UBR1: variants seen among roughly 807,000 people sequenced by gnomAD.
The protein encoded by UBR1 is E3 ubiquitin-protein ligase UBR1.
A neutral mutation model predicts 242.1 loss-of-function variants in UBR1; 102 were observed. The ratio of observed to expected loss-of-function variants is 0.42; its 90% CI spans 0.36 to 0.50. The LOEUF is 0.50. Ranked by LOEUF, UBR1 falls within the 20% of genes least tolerant of loss-of-function variation. The probability of loss-of-function intolerance (pLI) is 0.01; values close to 1 mark genes in which losing one functional copy is unlikely to be tolerated. For missense variants in UBR1, 1,772 were observed against 2,101.8 expected (o/e 0.84, Z 3.07); for synonymous variants, 675 against 684.8 (o/e 0.99, Z 0.22).
At chr15:42,967,165 G>A (rs1404688636) in intron 40 of UBR1, among the ~76,000 whole-genome samples, 2 of 149,696 alleles carry the variant, frequency 1.3e-5, no homozygotes, top group Non-Finnish European at 3.0e-5. Context: ...TGATCCGCCC[G>A]CCTCAGCCTC....
chr15:42,950,136 G>T, intron 46 of UBR1, 126 bp downstream of exon 46: 1 of 904,894 alleles, frequency 1.1e-6, no homozygotes, highest in Non-Finnish European at 1.8e-6. Flanking sequence ...ACGGTGTCTG[G>T]CCTCAATTAC....
At chr15:42,992,542 C>T (rs914485518) in intron 33 of UBR1, among the ~76,000 whole-genome samples, 20 of 152,288 alleles carry the variant, frequency 1.3e-4, no homozygotes, top group African/African-American at 4.8e-4. Context: ...CACATGTACT[C>T]CTCGGGGGGT....
chr15:43,054,620 C>G, intron 12 of UBR1, 122 bp downstream of exon 12: 1 of 1,092,130 alleles, frequency 9.2e-7, no homozygotes, highest in Non-Finnish European at 1.4e-6. Flanking sequence ...GTTCTTTGTA[C>G]TTGCCATCAT....
intron 44 of UBR1, among the ~76,000 whole-genome samples, chr15:42,956,909 A>G (rs1192494039): frequency 6.6e-6 from 1 of 152,214 alleles, no homozygotes; most frequent in Non-Finnish European, 1.5e-5. Flanking sequence ...GCGCCCTCAC[A>G]CATTGCTGGT....
chr15:43,052,870 C>T (rs1401303869), intron 12 of UBR1, among the ~76,000 whole-genome samples: 1 of 152,174 alleles, frequency 6.6e-6, no homozygotes, highest in African/African-American at 2.4e-5. Flanking sequence ...GTGAAAGGAA[C>T]ATGAGTTTTA....
intron 29 of UBR1, among the ~76,000 whole-genome samples, chr15:43,010,818 CA>C (rs768275252): frequency 0.044 from 2,521 of 57,028 alleles, 26 homozygotes; most frequent in Admixed American, 0.11. Context: ...ACTAAAAATA[CA>C]AAAAAAAAAA....
At chr15:43,007,851 A>G (rs1473611741) in intron 29 of UBR1, among the ~76,000 whole-genome samples, 2 of 152,204 alleles carry the variant, frequency 1.3e-5, no homozygotes, top group African/African-American at 2.4e-5. Flanking sequence ...ATGTGCCATA[A>G]TAGTTTTTAT....
intron 6 of UBR1, among the ~76,000 whole-genome samples, chr15:43,060,942 A>G (rs892131351): frequency 2.8e-5 from 1 of 35,144 alleles, no homozygotes; most frequent in African/African-American, 3.9e-5. Context: ...GCCATTACAG[A>G]AAAAAAAAAA....
At chr15:42,950,453 G>C in intron 45 of UBR1, 90 bp from the exon 46 acceptor site, 1 of 1,046,998 alleles carries the variant, frequency 9.6e-7, no homozygotes, top group Non-Finnish European at 1.5e-6. Flanking sequence ...AAAAGACGTG[G>C]CCAATATCTG....
chr15:43,047,407 C>T, intron 13 of UBR1, 118 bp from the exon 14 acceptor site: 2 of 1,460,590 alleles, frequency 1.4e-6, no homozygotes, highest in Non-Finnish European at 1.9e-6. Context: ...TACACTGGGT[C>T]AGAATGCATG....
At chr15:43,060,286 T>G (rs2033667725) in intron 6 of UBR1, among the ~76,000 whole-genome samples, 172 bp from the exon 7 acceptor site, 1 of 152,168 alleles carries the variant, frequency 6.6e-6, no homozygotes, top group African/African-American at 2.4e-5. Flanking sequence ...TTTAACACCT[T>G]TATGAAGTAT....
rs541038453 is a variant in UBR1 at position 43,093,315 on chromosome 15, C to G, written c.82-7075G>C. ...AAACAACTGCTAGACATCTACAGAG[C>G]CTTCAGAGCCCAGTAATTGTTTTTC... On this transcript the variant is annotated intron_variant, in intron 1 of 46. Transcript: ENST00000290650. Among the ~76,000 whole-genome samples the G allele has an allele frequency of 3.0e-4, 46 of 152,280 alleles. No homozygotes were observed. The South Asian group carries it at 6.4e-3, about 21-fold the overall frequency.
chr15:43,005,538 C>T (rs890586998), intron 30 of UBR1, among the ~76,000 whole-genome samples: 27 of 152,196 alleles, frequency 1.8e-4, no homozygotes, highest in Non-Finnish European at 1.3e-4. Flanking sequence ...CCAGCCACCC[C>T]GTCTGGGAAG....
At position 43,099,461 on chromosome 15, in the gene UBR1, T is replaced by G. The variant is rs373587062; in HGVS notation, c.81+6481A>C. Among the ~76,000 whole-genome samples the G allele has an allele frequency of 2.0e-5, 3 of 152,300 alleles. No homozygotes were observed. The East Asian group carries it at 5.8e-4, about 29-fold the overall frequency. On this transcript the variant is annotated intron_variant, in intron 1 of 46. Transcript: ENST00000290650. ...TCCTCCCATTTCAGCAGGAGACAAC[T>G]TTGGGAAATAACAGAAATATTCTAT...
intron 41 of UBR1, among the ~76,000 whole-genome samples, chr15:42,965,719 G>A (rs934150444): frequency 1.3e-5 from 2 of 151,942 alleles, no homozygotes; most frequent in Admixed American, 1.3e-4. Flanking sequence ...CACCCGCCTC[G>A]GCCTCCCAAA....
chr15:43,044,720 G>A (rs1442791815), intron 14 of UBR1, among the ~76,000 whole-genome samples: 2 of 152,124 alleles, frequency 1.3e-5, no homozygotes, highest in South Asian at 2.1e-4. Flanking sequence ...GTGAAACCCC[G>A]TCTCTACTAA....
At chr15:43,030,107 A>T (rs770136855) in intron 20 of UBR1, 39 bp from the exon 21 acceptor site, 41 of 1,587,912 alleles carry the variant, frequency 2.6e-5, no homozygotes, top group Non-Finnish European at 3.4e-5. Flanking sequence ...AAGTAGAATA[A>T]TTATTTTCTA....
intron 29 of UBR1, among the ~76,000 whole-genome samples, chr15:43,014,056 A>AT (rs2032969467): frequency 6.6e-6 from 1 of 152,120 alleles, no homozygotes; most frequent in South Asian, 2.1e-4. Context: ...TGGTTTTCGT[A>AT]TTTTTTTGGT....
intron 10 of UBR1, among the ~76,000 whole-genome samples, chr15:43,056,877 C>A (rs1354932161): frequency 6.6e-6 from 1 of 152,148 alleles, no homozygotes; most frequent in East Asian, 1.9e-4. Flanking sequence ...CAGATTGAAT[C>A]CAGCCTTAAA....
Sources: allele counts gnomAD v4.1 joint callset (sites outside exome capture counted in the v4.1 genomes callset), GRCh38; gene constraint gnomAD v4.1.1; transcripts MANE v1.5; gene names NCBI Gene and HGNC (gene_info 2026-07-23, HGNC 2026-07-21).